Variants in MALRD1 observed in about 807,000 individuals in gnomAD.
MALRD1 encodes the protein MAM and LDL-receptor class A domain-containing protein 1.
MALRD1 carries 247 observed loss-of-function variants against 242.1 expected under a neutral mutation model. The ratio of observed to expected loss-of-function variants is 1.02; its 90% CI spans 0.92 to 1.13. The LOEUF is 1.13. Ranked by LOEUF, MALRD1 falls within the 50% of genes most tolerant of loss-of-function variation. The pLI is 0.00. For synonymous variants in MALRD1, 995 were observed against 866.6 expected, an observed-to-expected ratio of 1.15 and a Z score of -2.60; for missense variants, 2,989 against 2,533.1, an observed-to-expected ratio of 1.18 and a Z score of -3.86.
At chr10:19,299,844 A>G (rs1841867672) in intron 21 of MALRD1, among the ~76,000 whole-genome samples, 2 of 151,936 alleles carry the variant, frequency 1.3e-5, no homozygotes, top group South Asian at 4.1e-4. Flanking sequence ...CTCCTATTCA[A>G]CATAGCTCTG....
intron 29 of MALRD1, among the ~76,000 whole-genome samples, chr10:19,453,936 C>T (rs946526098): frequency 6.6e-6 from 1 of 151,684 alleles, no homozygotes; most frequent in Non-Finnish European, 1.5e-5. Flanking sequence ...CGCCTGTAGT[C>T]CCAGCTACTC....
At chr10:19,516,945 G>A (rs187699045) in intron 31 of MALRD1, among the ~76,000 whole-genome samples, 74 of 152,180 alleles carry the variant, frequency 4.9e-4, no homozygotes, top group Admixed American at 8.5e-4. Context: ...AAGAAAGAAC[G>A]GCATAGCTAA....
intron 28 of MALRD1, among the ~76,000 whole-genome samples, chr10:19,391,896 T>C (rs1846352790): frequency 6.6e-6 from 1 of 152,202 alleles, no homozygotes; most frequent in Non-Finnish European, 1.5e-5. Context: ...AGTGGTGGCC[T>C]CCCAGAGGTT....
chr10:19,706,355 G>C (rs1030996190), intron 38 of MALRD1, among the ~76,000 whole-genome samples: 1 of 151,402 alleles, frequency 6.6e-6, no homozygotes, highest in East Asian at 1.9e-4. Context: ...TTGCTCTTTC[G>C]CCCAGGCTAG....
chr10:19,229,592 C>T (rs556932428), intron 18 of MALRD1, among the ~76,000 whole-genome samples: 2 of 152,180 alleles, frequency 1.3e-5, no homozygotes, highest in Admixed American at 6.6e-5. Context: ...CTCGTTTAGT[C>T]GCTTCCACCC....
At chr10:19,460,451 ATT>A (rs61481398) in intron 29 of MALRD1, among the ~76,000 whole-genome samples, 46,448 of 150,452 alleles carry the variant, frequency 0.31, 7,176 homozygotes, top group East Asian at 0.46. Flanking sequence ...GCACACACAG[ATT>A]TTTTTTTTTT....
At chr10:19,164,551 T>C (rs1834588116) in intron 12 of MALRD1, among the ~76,000 whole-genome samples, 1 of 152,206 alleles carries the variant, frequency 6.6e-6, no homozygotes, top group Non-Finnish European at 1.5e-5. Flanking sequence ...CCTTAGGACC[T>C]GTTATATGAT....
Position 19,120,349 on chromosome 10 carries a change from T to C in MALRD1, c.695-3143T>C, listed in dbSNP as rs191525190. Among the ~76,000 whole-genome samples, 17 of 152,228 alleles carry C rather than the reference T, an allele frequency of 1.1e-4. No individual in the cohort carries two copies. The East Asian group carries it at 3.3e-3, about 29-fold the overall frequency. On this transcript the variant is annotated intron_variant, in intron 5 of 39. Coordinates refer to ENST00000454679, the MANE Select transcript of MALRD1 (RefSeq NM_001142308.3). ...TCCAATATTACTGATATGTCAAATATGTTGATGAAAAAAATTAAATATGAG... is the reference window on the plus strand; with the variant it reads ...TCCAATATTACTGATATGTCAAATACGTTGATGAAAAAAATTAAATATGAG...
At chr10:19,435,578 G>T (rs927456326) in intron 28 of MALRD1, among the ~76,000 whole-genome samples, 5 of 152,036 alleles carry the variant, frequency 3.3e-5, no homozygotes, top group Non-Finnish European at 7.4e-5. Context: ...TTTTTAAAAT[G>T]AATAGATTGG....
chr10:19,049,002 A>G lies in MALRD1; in HGVS notation c.64A>G (p.Ile22Val), dbSNP rs1456601887. Residue 22 changes from isoleucine to valine, a missense_variant, in exon 1 of 40, where the codon ATT becomes GTT. Ile to Val is a conservative substitution (Grantham distance 29, BLOSUM62 3). Transcript: ENST00000454679. ...GAATGAAACTTTTTGTTGCCTTTGG[A>G]TTGCCTGTGTTTTCAATTCTACACT... The part of the protein sequence containing the change: ...PMNETFCCLW[I>V]ACVFNSTLAQ... The G allele has an allele frequency of 4.9e-6, 6 of 1,233,728 alleles. No individual in the cohort carries two copies. The Admixed American group carries it at 2.5e-4, about 52-fold the overall frequency. The allele number at this position is 1,233,728 out of a possible 1,614,324, so 76.4% of individuals were successfully genotyped here. A position where few individuals can be genotyped will look rare whatever the true frequency, so the allele number is the denominator to read the frequency against.
intron 19 of MALRD1, among the ~76,000 whole-genome samples, chr10:19,266,815 T>C (rs941133668): frequency 1.1e-4 from 16 of 151,988 alleles, no homozygotes; most frequent in Admixed American, 9.8e-4. Context: ...AGCTGTAAAA[T>C]GATGTTGTCT....
intron 34 of MALRD1, among the ~76,000 whole-genome samples, chr10:19,605,998 A>C (rs537020602): frequency 6.6e-6 from 1 of 152,196 alleles, no homozygotes; most frequent in Non-Finnish European, 1.5e-5. Context: ...GTACTGCCTA[A>C]ATTTTTCAGA....
At chr10:19,059,770 T>G (rs1466266166) in intron 1 of MALRD1, among the ~76,000 whole-genome samples, 1 of 152,156 alleles carries the variant, frequency 6.6e-6, no homozygotes, top group Non-Finnish European at 1.5e-5. Context: ...CTATTAGCAA[T>G]TGTGCTTATT....
intron 5 of MALRD1, among the ~76,000 whole-genome samples, chr10:19,105,465 G>T (rs1225090529): frequency 2.6e-5 from 4 of 152,088 alleles, no homozygotes; most frequent in African/African-American, 9.6e-5. Context: ...AAGTAGTTCT[G>T]CAGTAAACAT....
At chr10:19,490,224 C>CT (rs937135250) in intron 29 of MALRD1, among the ~76,000 whole-genome samples, 1 of 151,958 alleles carries the variant, frequency 6.6e-6, no homozygotes, top group African/African-American at 2.4e-5. Flanking sequence ...ATCTTTTTAT[C>CT]TTTTTTTCCT....
intron 2 of MALRD1, among the ~76,000 whole-genome samples, chr10:19,074,874 G>C (rs893123445): frequency 2.0e-5 from 3 of 151,862 alleles, no homozygotes; most frequent in African/African-American, 4.8e-5. Flanking sequence ...ACGCTCAACA[G>C]AAGTACATAA....
chr10:19,309,035 A>C (rs1425689385), intron 21 of MALRD1, among the ~76,000 whole-genome samples: 2 of 151,564 alleles, frequency 1.3e-5, no homozygotes, highest in African/African-American at 2.4e-5. Flanking sequence ...AATTAAGAAA[A>C]ACAAATGCAT....
intron 1 of MALRD1, among the ~76,000 whole-genome samples, chr10:19,066,215 G>A (rs919726725): frequency 3.3e-5 from 5 of 152,050 alleles, no homozygotes; most frequent in Non-Finnish European, 4.4e-5. Context: ...AAATCTTTAC[G>A]CGTTAAGTCC....
At chr10:19,600,840 G>T (rs1256454322) in intron 34 of MALRD1, among the ~76,000 whole-genome samples, 1 of 152,062 alleles carries the variant, frequency 6.6e-6, no homozygotes, top group Non-Finnish European at 1.5e-5. Flanking sequence ...TGTTAAGAAA[G>T]AATACCAATT....
Sources: gnomAD v4.1 joint callset for allele counts (sites outside exome capture counted in the v4.1 genomes callset) on GRCh38, gnomAD v4.1.1 for gene constraint, MANE v1.5 for transcripts, NCBI Gene and HGNC (gene_info 2026-07-23, HGNC 2026-07-21) for gene names.